TULP4: variants seen among roughly 807,000 people sequenced by gnomAD.
TULP4 encodes TUB like protein 4, also known as tubby-related protein 4.
In TULP4, 16 loss-of-function variants were observed where a neutral mutation model predicts 129.0. The ratio of observed to expected loss-of-function variants is 0.12; its 90% confidence interval spans 0.08 to 0.19. The LOEUF (loss-of-function observed/expected upper bound fraction) is 0.19, where lower values mean the gene tolerates loss of function less well. TULP4 is among the 10% of genes least tolerant of loss of function. TULP4 has a pLI of 1.00. For synonymous variants in TULP4, 998 were observed against 854.0 expected (o/e 1.17, Z -2.94); for missense variants, 1,842 against 2,059.1 (o/e 0.89, Z 2.04).
chr6:158,389,672 G>T (rs967458550), intron 1 of TULP4, among the ~76,000 whole-genome samples: 7 of 152,142 alleles, frequency 4.6e-5, no homozygotes, highest in African/African-American at 1.4e-4. Context: ...GAATCATGTG[G>T]TGTGCCTTTT....
At chr6:158,274,964 T>C (rs998451977) in intron 1 of TULP4, among the ~76,000 whole-genome samples, 25 of 152,260 alleles carry the variant, frequency 1.6e-4, no homozygotes, top group Non-Finnish European at 3.1e-4. Context: ...TCTTCCATTT[T>C]GTTGTTCTCT....
intron 3 of TULP4, among the ~76,000 whole-genome samples, chr6:158,448,694 C>T (rs947039576): frequency 6.6e-6 from 1 of 152,090 alleles, no homozygotes; most frequent in Non-Finnish European, 1.5e-5. Flanking sequence ...ATCAAAAATA[C>T]AAAGCAAAAC....
At chr6:158,367,349 T>C (rs1030503502) in intron 1 of TULP4, among the ~76,000 whole-genome samples, 15 of 152,224 alleles carry the variant, frequency 9.9e-5, no homozygotes, top group African/African-American at 3.4e-4. Context: ...TAGAATTCAC[T>C]TTTTTACAAG....
intron 1 of TULP4, among the ~76,000 whole-genome samples, chr6:158,405,600 A>G (rs1383101959): frequency 6.6e-6 from 1 of 152,194 alleles, no homozygotes; most frequent in Non-Finnish European, 1.5e-5. Context: ...GAGAGCAAGG[A>G]GCAAGGAGCA....
chr6:158,244,074 T>A lies in TULP4; in HGVS notation n.68+11771T>A, dbSNP rs982971460. Among the ~76,000 whole-genome samples the A allele has an allele frequency of 3.9e-5, 6 of 152,168 alleles. No homozygotes were observed. In the East Asian group the frequency reaches 1.2e-3, roughly 29 times the overall value. ...TCGCATAACATTATGAACGCCTATT[T>A]TAGCATACGTGGTGTGTTTCAGTCC... On this transcript the variant is annotated intron_variant and non_coding_transcript_variant, in intron 1 of 1. Transcript: ENST00000620026.
chr6:158,365,510 T>C (rs879510226), intron 1 of TULP4, among the ~76,000 whole-genome samples: 1 of 151,390 alleles, frequency 6.6e-6, no homozygotes, highest in Non-Finnish European at 1.5e-5. Context: ...AGAGTCTTGC[T>C]CTGTTGCCCA....
upstream of TULP4, among the ~76,000 whole-genome samples, chr6:158,278,434 CT>C (rs1405686789): frequency 6.6e-6 from 1 of 151,000 alleles, no homozygotes; most frequent in Admixed American, 6.6e-5. Flanking sequence ...TGATCCAGCA[CT>C]TTCCAAAAGA....
At chr6:158,410,013 G>A (rs924411723) in intron 1 of TULP4, among the ~76,000 whole-genome samples, 19 of 152,036 alleles carry the variant, frequency 1.2e-4, no homozygotes, top group African/African-American at 3.9e-4. Context: ...CCGCCACCAC[G>A]CCCAGCTAGT....
chr6:158,317,050 G>A (rs1230581090), intron 1 of TULP4, among the ~76,000 whole-genome samples: 1 of 152,214 alleles, frequency 6.6e-6, no homozygotes, highest in Non-Finnish European at 1.5e-5. Flanking sequence ...TACACTGGGT[G>A]TGCATACCAG....
chr6:158,423,965 T>C (rs1778414735), intron 2 of TULP4, among the ~76,000 whole-genome samples: 1 of 151,920 alleles, frequency 6.6e-6, no homozygotes, highest in African/African-American at 2.4e-5. Flanking sequence ...GAAGATACCA[T>C]TAAAAAAATG....
chr6:158,414,008 C>T (rs908780188), intron 2 of TULP4, among the ~76,000 whole-genome samples: 2 of 152,236 alleles, frequency 1.3e-5, no homozygotes, highest in Admixed American at 6.5e-5. Context: ...TCTCATCCTT[C>T]CCTCGCCCAC....
chr6:158,333,388 G>C (rs1214201543), intron 1 of TULP4, among the ~76,000 whole-genome samples: 1 of 152,182 alleles, frequency 6.6e-6, no homozygotes, highest in Non-Finnish European at 1.5e-5. Context: ...TAAATGAGAA[G>C]AGCTCTCAGG....
intron 1 of TULP4, among the ~76,000 whole-genome samples, chr6:158,359,010 A>G (rs1780708313): frequency 6.6e-6 from 1 of 152,194 alleles, no homozygotes; most frequent in African/African-American, 2.4e-5. Flanking sequence ...GTGGTCAGCC[A>G]TGTACATTAC....
chr6:158,232,295 C>T (rs2128438725), exon 1 of TULP4: 1 of 148,238 alleles, frequency 6.7e-6, no homozygotes, highest in Middle Eastern at 3.4e-3. Context: ...CCGCCACGGC[C>T]GCCCGGAGGT....
intron 4 of TULP4, 42 bp downstream of exon 4, chr6:158,449,218 C>T (rs1324662308): frequency 1.9e-6 from 3 of 1,576,574 alleles, no homozygotes; most frequent in Admixed American, 3.4e-5. Flanking sequence ...ACCAGAAGGA[C>T]AAGGAAGGGC....
At chr6:158,328,677 G>A (rs111383868) in intron 1 of TULP4, among the ~76,000 whole-genome samples, 4 of 152,260 alleles carry the variant, frequency 2.6e-5, no homozygotes, top group African/African-American at 9.6e-5. Context: ...TCCCCGCTGT[G>A]TGGGGAGGAG....
chr6:158,355,773 C>T (rs1366327509), intron 1 of TULP4, among the ~76,000 whole-genome samples: 2 of 152,146 alleles, frequency 1.3e-5, no homozygotes. Flanking sequence ...TGAGTGGATG[C>T]CATTGACCCA....
chr6:158,444,854 C>T (rs146948988), intron 3 of TULP4, among the ~76,000 whole-genome samples: 6 of 152,274 alleles, frequency 3.9e-5, no homozygotes, highest in African/African-American at 1.4e-4. Flanking sequence ...CTCAGTCACC[C>T]AGGGTGGAGT....
intron 10 of TULP4, among the ~76,000 whole-genome samples, chr6:158,494,098 C>G (rs1049149806): frequency 1.3e-5 from 2 of 152,228 alleles, no homozygotes; most frequent in African/African-American, 4.8e-5. Flanking sequence ...CACCCCACCT[C>G]CTCCTCGTTT....
Sources: allele counts gnomAD v4.1 joint callset (sites outside exome capture counted in the v4.1 genomes callset), GRCh38; gene constraint gnomAD v4.1.1; transcripts MANE v1.5; gene names NCBI Gene and HGNC (gene_info 2026-07-23, HGNC 2026-07-21).